The following BEST3 variants were observed in gnomAD, a reference collection of about 807,000 sequenced individuals.
BEST3 encodes the protein bestrophin 3, also known as bestrophin-3.
In BEST3, 50 loss-of-function variants were observed where a neutral mutation model predicts 47.1. The observed-to-expected ratio is 1.06, with a 90% CI of 0.85 to 1.34. The LOEUF is 1.34. Among genes scored for constraint, BEST3 ranks in the 40% most tolerant of loss-of-function variants. The pLI is 0.00. For missense variants in BEST3, 765 were observed against 817.0 expected, an observed-to-expected ratio of 0.94 and a Z score of 0.78; for synonymous variants, 282 against 298.8, an observed-to-expected ratio of 0.94 and a Z score of 0.58.
At chr12:69,686,786 A>AAAAAAAAAAAAAAAAAAAAAAAAG (rs371159662) in intron 4 of BEST3, among the ~76,000 whole-genome samples, 3 of 143,280 alleles carry the variant, frequency 2.1e-5, no homozygotes, top group African/African-American at 2.6e-5. Flanking sequence ...AAACAAAAAA[A>AAAAAAAAAAAAAAAAAAAAAAAAG]AAAGAAAGAA....
chr12:69,679,020 T>C, intron 4 of BEST3, 127 bp from the exon 5 acceptor site: 1 of 805,994 alleles, frequency 1.2e-6, no homozygotes, highest in African/African-American at 1.7e-5. Context: ...TAAAGCTTCC[T>C]GTCTCAAGTA....
intron 4 of BEST3, chr12:69,689,408 C>T (rs1190685984): frequency 9.3e-6 from 2 of 214,090 alleles, no homozygotes; most frequent in African/African-American, 4.7e-5. Flanking sequence ...GAACCTTTGC[C>T]CTGCCGCCTA....
intron 9 of BEST3, among the ~76,000 whole-genome samples, chr12:69,658,530 T>A (rs937864603): frequency 6.6e-6 from 1 of 152,254 alleles, no homozygotes; most frequent in African/African-American, 2.4e-5. Flanking sequence ...ATGAGGTTTA[T>A]CTGTTTATTC....
chr12:69,646,077 C>T (rs1012364366), intron 9 of BEST3, among the ~76,000 whole-genome samples: 12 of 152,144 alleles, frequency 7.9e-5, no homozygotes, highest in Non-Finnish European at 1.2e-4. Flanking sequence ...GCTGGGATTA[C>T]AGGTGCCTGC....
intron 9 of BEST3, among the ~76,000 whole-genome samples, chr12:69,647,332 G>C (rs1123519): frequency 6.6e-6 from 1 of 151,960 alleles, no homozygotes; most frequent in Non-Finnish European, 1.5e-5. Context: ...AGAGTTGGCC[G>C]ATTTTTAGTC....
chr12:69,692,971 C>T (rs1179915740), intron 4 of BEST3, among the ~76,000 whole-genome samples: 1 of 152,292 alleles, frequency 6.6e-6, no homozygotes, highest in South Asian at 2.1e-4. Flanking sequence ...CCATGTTGGC[C>T]AGGCTTGTCT....
At position 69,655,640 on chromosome 12, in the gene BEST3, G is replaced by A. The variant is rs1883431865; in HGVS notation, c.1274C>T (p.Pro425Leu). The A allele has an allele frequency of 6.2e-7, 1 of 1,613,982 alleles. No individual in the cohort carries two copies. The highest frequency in any genetic ancestry group is 8.5e-7 in the Non-Finnish European group (1 of 1,180,008). The change falls in exon 10 of 10, where the codon CCC (proline) becomes CTC (leucine). Residue 425 changes from proline to leucine, a missense_variant. Pro to Leu is a moderately conservative substitution (Grantham distance 98). Transcript: ENST00000330891. Reference protein sequence around the residue: ...RQTSDSSMFLPRDDLSPARDL... With the variant: ...RQTSDSSMFLLRDDLSPARDL... ...CCTGGCTGGGCTGAGGTCATCTCGGGGTAAGAACATGGAGCTGTCACTTGT... is the reference window on the plus strand; with the variant it reads ...CCTGGCTGGGCTGAGGTCATCTCGGAGTAAGAACATGGAGCTGTCACTTGT...
At chr12:69,687,076 A>G (rs924711572) in intron 4 of BEST3, among the ~76,000 whole-genome samples, 5 of 152,224 alleles carry the variant, frequency 3.3e-5, no homozygotes, top group Admixed American at 6.5e-5. Flanking sequence ...TGACTTCTCA[A>G]ATAAAGCTAA....
intron 9 of BEST3, among the ~76,000 whole-genome samples, chr12:69,647,572 G>A (rs1883078107): frequency 6.6e-6 from 1 of 152,078 alleles, no homozygotes; most frequent in Non-Finnish European, 1.5e-5. Context: ...CTTATGAAAG[G>A]TTGTTTAGTA....
intron 9 of BEST3, among the ~76,000 whole-genome samples, chr12:69,667,558 A>C (rs1884303927): frequency 6.6e-6 from 1 of 152,088 alleles, no homozygotes; most frequent in African/African-American, 2.4e-5. Context: ...AGCCTCCCAA[A>C]GTGCTGGGAT....
At chr12:69,647,325 G>A (rs1883069992) in intron 9 of BEST3, among the ~76,000 whole-genome samples, 1 of 152,200 alleles carries the variant, frequency 6.6e-6, no homozygotes, top group Non-Finnish European at 1.5e-5. Flanking sequence ...TGATACAAGA[G>A]TTGGCCGATT....
intron 4 of BEST3, among the ~76,000 whole-genome samples, chr12:69,682,006 G>A (rs918634710): frequency 2.0e-5 from 3 of 146,814 alleles, no homozygotes; most frequent in African/African-American, 7.5e-5. Context: ...GCTTGAACCC[G>A]GGAATGCAGA....
intron 4 of BEST3, among the ~76,000 whole-genome samples, chr12:69,683,002 A>T (rs1159501451): frequency 1.3e-5 from 2 of 152,266 alleles, no homozygotes; most frequent in Admixed American, 1.3e-4. Flanking sequence ...TTCTTGAGAC[A>T]TATAGTGCAA....
chr12:69,654,984 A>G lies in BEST3; in HGVS notation c.1930T>C (p.Tyr644His). Reference sequence around the variant, plus strand: ...TTGGTGTCCAGGTTTTCCATTAAATACAGCATATCAGAAGAGACTCGAGAG... The same window carrying G: ...TTGGTGTCCAGGTTTTCCATTAAATGCAGCATATCAGAAGAGACTCGAGAG... ...AGSRVSSDMLYLMENLDTKET... is the reference protein window; with the variant it reads ...AGSRVSSDMLHLMENLDTKET... Residue 644 changes from tyrosine (Y) to histidine (H), a missense_variant, in exon 10 of 10, where the codon TAT becomes CAT. Coordinates refer to ENST00000330891, the MANE Select transcript of BEST3 (RefSeq NM_032735.3). 1 of 1,614,086 alleles carries G rather than the reference A, an allele frequency of 6.2e-7. No homozygotes were observed. Among genetic ancestry groups the G allele is most frequent in the Non-Finnish European group, 8.5e-7 (1 of 1,179,996 alleles).
intron 9 of BEST3, among the ~76,000 whole-genome samples, chr12:69,666,737 A>G (rs1392397551): frequency 6.6e-6 from 1 of 152,202 alleles, no homozygotes; most frequent in African/African-American, 2.4e-5. Context: ...CATGCTGGCC[A>G]TCTCCATGTG....
rs185992503 is a variant in BEST3 at position 69,658,427 on chromosome 12, G to A, written c.1101-2614C>T. On this transcript the variant is annotated intron_variant, in intron 9 of 9. Coordinates refer to ENST00000330891, the MANE Select transcript of BEST3 (RefSeq NM_032735.3). ...AAACTGCAAAACGTCTGGTGCTCTT[G>A]CTATGTTGGACTGATTCATAACTGA... is the stretch of plus-strand genomic sequence containing the variant. Among the ~76,000 whole-genome samples, 522 of 152,238 alleles carry A rather than the reference G, an allele frequency of 3.4e-3. 2 individuals are homozygous for A. Among genetic ancestry groups the A allele is most frequent in the Middle Eastern group, 6.8e-3 (2 of 294 alleles).
chr12:69,689,367 C>A (rs887299533), intron 4 of BEST3: 15 of 533,650 alleles, frequency 2.8e-5, no homozygotes, highest in Non-Finnish European at 3.6e-5. Flanking sequence ...GCCTCCGAAG[C>A]GTCTCTCCTG....
chr12:69,652,584 G>A (rs1883245413), downstream of BEST3, among the ~76,000 whole-genome samples: 1 of 152,124 alleles, frequency 6.6e-6, no homozygotes, highest in Admixed American at 6.6e-5. Flanking sequence ...AAGAAATATT[G>A]AGGAAATTAA....
chr12:69,672,878 C>T lies in BEST3; in HGVS notation c.948+7G>A, dbSNP rs1884665879. ...ACATTTGAAAAAGAAAGAAAAATTC[C>T]TCTAACCTGCAAATTTCTGTCAATG... On this transcript the variant is annotated splice_region_variant and intron_variant, in intron 8 of 9. Coordinates refer to ENST00000330891, the MANE Select transcript of BEST3 (RefSeq NM_032735.3). The T allele has an allele frequency of 1.3e-6, 2 of 1,598,702 alleles. No homozygotes were observed. The highest frequency in any genetic ancestry group is 8.5e-7 in the Non-Finnish European group (1 of 1,171,248).
Sources: allele counts gnomAD v4.1 joint callset (sites outside exome capture counted in the v4.1 genomes callset), GRCh38; gene constraint gnomAD v4.1.1; transcripts MANE v1.5; gene names NCBI Gene and HGNC (gene_info 2026-07-23, HGNC 2026-07-21).